The following MLLT10 variants were observed in gnomAD, a reference collection of about 807,000 sequenced individuals.
The protein encoded by MLLT10 is MLLT10 histone lysine methyltransferase DOT1L cofactor.
Under a neutral mutation model 129.1 loss-of-function variants are expected in MLLT10, and 30 were observed. The observed-to-expected ratio is 0.23, with a 90% confidence interval of 0.17 to 0.32. The LOEUF is 0.32. Among genes scored for constraint, MLLT10 ranks in the 10% least tolerant of loss-of-function variants. The pLI is 1.00. For missense variants in MLLT10, 1,119 were observed against 1,268.3 expected (o/e 0.88, Z 1.79); for synonymous variants, 490 against 446.4 (o/e 1.10, Z -1.23).
Position 21,733,178 on chromosome 10 carries a change from T to C in MLLT10, c.2407+91T>C, listed in dbSNP as rs118089601. 7.4e-3 allele frequency: 9,315 copies of C among 1,263,414 alleles called. 57 individuals are homozygous for C. The highest frequency in any genetic ancestry group is 8.9e-3 in the Non-Finnish European group (8,248 of 924,316). 78.3% of individuals were successfully genotyped at this position (1,263,414 alleles called of 1,614,324 possible). A position where few individuals can be genotyped will look rare whatever the true frequency, so the allele number is the denominator to read the frequency against. On this transcript the variant is annotated intron_variant, in intron 18 of 22. Transcript: ENST00000307729. ...GTGAGTAATAATTGGTCACCAGTTA[T>C]ATGAAGATGTAGAAAAGGAACTATA... is the stretch of plus-strand genomic sequence containing the variant.
intron 3 of MLLT10, among the ~76,000 whole-genome samples, chr10:21,569,054 T>C (rs1380067439): frequency 3.9e-5 from 6 of 152,228 alleles, no homozygotes; most frequent in Non-Finnish European, 8.8e-5. Context: ...TGGTAACACC[T>C]GAAACCTTTT....
At chr10:21,609,591 A>G (rs2044391964) in intron 5 of MLLT10, among the ~76,000 whole-genome samples, 1 of 152,172 alleles carries the variant, frequency 6.6e-6, no homozygotes, top group Admixed American at 6.5e-5. Flanking sequence ...CCCAGGGATA[A>G]GTGTGATCCC....
intron 3 of MLLT10, chr10:21,556,963 C>T (rs992549210): frequency 1.4e-5 from 21 of 1,531,408 alleles, no homozygotes; most frequent in Non-Finnish European, 1.5e-5. Context: ...GAATTAACTA[C>T]TTGTGTTTCT....
chr10:21,616,501 C>T (rs942899575), intron 7 of MLLT10, among the ~76,000 whole-genome samples: 4 of 151,938 alleles, frequency 2.6e-5, no homozygotes, highest in African/African-American at 4.8e-5. Flanking sequence ...TGCAATGGTA[C>T]AAGTGTTTTA....
chr10:21,709,230 C>CTTTTTTTTTTT (rs33993302), intron 13 of MLLT10, among the ~76,000 whole-genome samples: 1 of 143,550 alleles, frequency 7.0e-6, no homozygotes. Context: ...ATTTTATCTG[C>CTTTTTTTTTTT]TTTTTTTTTT....
At chr10:21,569,090 G>T (rs935980082) in intron 3 of MLLT10, among the ~76,000 whole-genome samples, 8 of 151,856 alleles carry the variant, frequency 5.3e-5, no homozygotes, top group Non-Finnish European at 1.0e-4. Flanking sequence ...TGTTTTTTTG[G>T]CCTGAATATG....
At chr10:21,707,353 C>T (rs531563613) in intron 13 of MLLT10, among the ~76,000 whole-genome samples, 10 of 151,830 alleles carry the variant, frequency 6.6e-5, no homozygotes, top group South Asian at 2.1e-4. Flanking sequence ...CCACCATGCC[C>T]GGCTAATTTT....
At chr10:21,571,393 TC>T (rs1456758259) in intron 3 of MLLT10, among the ~76,000 whole-genome samples, 1 of 152,248 alleles carries the variant, frequency 6.6e-6, no homozygotes, top group Admixed American at 6.5e-5. Context: ...TCCTTGGACT[TC>T]CAGCTTCATT....
chr10:21,687,776 T>C (rs1191646635), intron 13 of MLLT10, among the ~76,000 whole-genome samples: 1 of 152,196 alleles, frequency 6.6e-6, no homozygotes, highest in Non-Finnish European at 1.5e-5. Context: ...TTAGTAAACC[T>C]AGACCTTAGA....
intron 11 of MLLT10, among the ~76,000 whole-genome samples, 188 bp downstream of exon 11, chr10:21,674,107 T>G (rs1188993670): frequency 6.6e-6 from 1 of 152,250 alleles, no homozygotes; most frequent in Non-Finnish European, 1.5e-5. Flanking sequence ...CTTAGATGAT[T>G]TGGTGTTTGG....
intron 13 of MLLT10, among the ~76,000 whole-genome samples, chr10:21,698,553 A>G (rs1446352638): frequency 1.3e-5 from 2 of 152,146 alleles, no homozygotes; most frequent in Non-Finnish European, 2.9e-5. Context: ...TAACCCTTTG[A>G]TATGCTCATT....
chr10:21,717,780 G>GCTTCTT (rs139007268), intron 14 of MLLT10, among the ~76,000 whole-genome samples: 3 of 51,474 alleles, frequency 5.8e-5, no homozygotes, highest in Non-Finnish European at 1.1e-4. Flanking sequence ...TGCTGCTGCT[G>GCTTCTT]CTTCTTCTTC....
In MLLT10 at chr10:21,733,556, C is replaced by T; in HGVS notation, c.2460C>T (p.Ser820=). The T allele has an allele frequency of 2.5e-6, 4 of 1,576,724 alleles. No homozygotes were observed. Among genetic ancestry groups the T allele is most frequent in the Non-Finnish European group, 3.4e-6 (4 of 1,165,940 alleles). The change falls in exon 19 of 23, where the codon AGC becomes AGT. Residue 820 remains serine, a synonymous_variant. Transcript: ENST00000307729. The stretch of plus-strand genomic sequence containing the variant: ...GTAAGAGCCCTCATATAGGAAACAG[C>T]TTTTTACCTGATAATTCTCTTCCTG... ...NSSKSPHIGN[S]FLPDNSLPVL...
chr10:21,714,087 A>T (rs572724697), intron 14 of MLLT10, 137 bp downstream of exon 14: 1 of 675,370 alleles, frequency 1.5e-6, no homozygotes, highest in South Asian at 2.8e-5. Context: ...TTAATGTATT[A>T]GTGAAAATGA....
chr10:21,568,982 G>A (rs1216062557), intron 3 of MLLT10, among the ~76,000 whole-genome samples: 1 of 152,102 alleles, frequency 6.6e-6, no homozygotes, highest in African/African-American at 2.4e-5. Flanking sequence ...TATTGGGATT[G>A]TCTTTGATTT....
At chr10:21,593,830 G>A (rs1396734542) in intron 4 of MLLT10, among the ~76,000 whole-genome samples, 1 of 150,074 alleles carries the variant, frequency 6.7e-6, no homozygotes, top group East Asian at 2.0e-4. Context: ...GGGAGGCTGA[G>A]GCAGGAGAAT....
At chr10:21,639,732 C>A (rs1305510988) in intron 8 of MLLT10, among the ~76,000 whole-genome samples, 1 of 152,124 alleles carries the variant, frequency 6.6e-6, no homozygotes, top group Non-Finnish European at 1.5e-5. Flanking sequence ...GCTTCTTGGC[C>A]TCTCTGTGCA....
At chr10:21,644,091 C>T (rs1219260227) in intron 8 of MLLT10, among the ~76,000 whole-genome samples, 3 of 152,030 alleles carry the variant, frequency 2.0e-5, no homozygotes, top group Non-Finnish European at 4.4e-5. Context: ...TGGTTATCTC[C>T]CTTCTTACCT....
At chr10:21,732,251 T>G (rs2058030114) in intron 17 of MLLT10, among the ~76,000 whole-genome samples, 1 of 152,174 alleles carries the variant, frequency 6.6e-6, no homozygotes. Flanking sequence ...GTCCAAGTTG[T>G]GGAAGGAATT....
Sources: gnomAD v4.1 joint callset for allele counts (sites outside exome capture counted in the v4.1 genomes callset) on GRCh38, gnomAD v4.1.1 for gene constraint, MANE v1.5 for transcripts, NCBI Gene and HGNC (gene_info 2026-07-23, HGNC 2026-07-21) for gene names.